The following DDAH1 variants were observed in gnomAD, a reference collection of about 807,000 sequenced individuals.
The protein encoded by DDAH1 is N(G),N(G)-dimethylarginine dimethylaminohydrolase 1.
Under a neutral mutation model 28.8 loss-of-function variants are expected in DDAH1, and 19 were observed. The observed-to-expected ratio is 0.66, with a 90% CI of 0.46 to 0.97. The LOEUF is 0.97. Among genes scored for constraint, DDAH1 ranks in the 50% least tolerant of loss-of-function variants. The probability of loss-of-function intolerance (pLI) is 0.00; values close to 1 mark genes in which losing one functional copy is unlikely to be tolerated. For missense variants in DDAH1, 326 were observed against 375.9 expected, an observed-to-expected ratio of 0.87 and a Z score of 1.10; for synonymous variants, 153 against 154.4, an observed-to-expected ratio of 0.99 and a Z score of 0.07.
chr1:85,498,339 T>C (rs1656672928), intron 1 of DDAH1, among the ~76,000 whole-genome samples: 1 of 152,260 alleles, frequency 6.6e-6, no homozygotes, highest in South Asian at 2.1e-4. Flanking sequence ...ATGGCTCTAA[T>C]ATCAACCTTT....
chr1:85,490,023 G>C (rs1246991926), intron 2 of DDAH1, among the ~76,000 whole-genome samples: 2 of 152,098 alleles, frequency 1.3e-5, no homozygotes, highest in Non-Finnish European at 1.5e-5. Flanking sequence ...GTTTCAAGAG[G>C]TAGGCTTGTG....
At chr1:85,456,295 T>C (rs1474086932) in intron 1 of DDAH1, among the ~76,000 whole-genome samples, 2 of 152,212 alleles carry the variant, frequency 1.3e-5, no homozygotes, top group Non-Finnish European at 2.9e-5. Context: ...GATGGAGAGA[T>C]TTGTGAATAA....
chr1:85,369,726 T>C (rs949057300), intron 1 of DDAH1, among the ~76,000 whole-genome samples: 1 of 152,156 alleles, frequency 6.6e-6, no homozygotes, highest in Admixed American at 6.6e-5. Flanking sequence ...TATGGAGAGA[T>C]AGGCAATAAA....
chr1:85,447,825 G>T (rs530006), intron 1 of DDAH1: 69,591 of 152,030 alleles, frequency 0.46, 16,364 homozygotes, highest in Middle Eastern at 0.59. Context: ...ACACTGGAAG[G>T]ATTTCTTCTC....
intron 1 of DDAH1, among the ~76,000 whole-genome samples, chr1:85,526,911 G>A (rs1160008632): frequency 6.6e-6 from 1 of 150,418 alleles, no homozygotes; most frequent in African/African-American, 2.5e-5. Flanking sequence ...GGCAGAATCG[G>A]AAATGTTAAT....
At chr1:85,521,406 G>C (rs1304550006) in intron 1 of DDAH1, among the ~76,000 whole-genome samples, 1 of 151,600 alleles carries the variant, frequency 6.6e-6, no homozygotes, top group Non-Finnish European at 1.5e-5. Flanking sequence ...CCCCAACACT[G>C]TGGCAGCTTC....
In DDAH1 at chr1:85,464,917, C is replaced by A. The variant is rs1357876263; in HGVS notation, c.129G>T (p.Ala43=). The stretch of plus-strand genomic sequence containing the variant: ...CCACGTAGAGCTGGTGCTGCCGTTC[C>A]GCGCGGGCGACGTCCACCTCCTCGC... ...AKGEEVDVAR[A]ERQHQLYVGV... is the part of the protein sequence containing the mutation. The change falls in exon 1 of 6, where the codon GCG becomes GCT. Residue 43 remains alanine, a synonymous_variant. Transcript: ENST00000284031. This position sits in a 1 kb window ranked among gnomAD's most constrained non-coding sequence, Gnocchi z 4.4. 1 of 1,556,800 alleles carries A rather than the reference C, an allele frequency of 6.4e-7. No individual in the cohort carries two copies. Among genetic ancestry groups the A allele is most frequent in the Admixed American group, 1.8e-5 (1 of 55,084 alleles).
intron 1 of DDAH1, among the ~76,000 whole-genome samples, chr1:85,564,391 C>T (rs1356294990): frequency 6.6e-6 from 1 of 152,090 alleles, no homozygotes; most frequent in Non-Finnish European, 1.5e-5. Flanking sequence ...TGACCTAATA[C>T]ATATGTAATT....
At chr1:85,457,574 TA>T (rs1654944174) in intron 1 of DDAH1, among the ~76,000 whole-genome samples, 1 of 152,218 alleles carries the variant, frequency 6.6e-6, no homozygotes. Context: ...GTAACACAAC[TA>T]TTATCCCTTT....
chr1:85,417,317 G>A lies in DDAH1; in HGVS notation c.303+47426C>T, dbSNP rs555114809. Among the ~76,000 whole-genome samples the A allele has an allele frequency of 2.3e-4, 35 of 150,234 alleles. 1 individual carries two copies. The highest frequency in any genetic ancestry group is 1.2e-3 in the East Asian group (6 of 5,084). ...ACTGTGCTGGGTGAGTGGGAACAGCGGGGAGGGAAGTCAGGCCTGGCTGTG... is the reference window on the plus strand; with the variant it reads ...ACTGTGCTGGGTGAGTGGGAACAGCAGGGAGGGAAGTCAGGCCTGGCTGTG... On this transcript the variant is annotated intron_variant, in intron 1 of 5. Transcript: ENST00000284031.
chr1:85,370,710 G>A (rs1277584969), intron 1 of DDAH1, among the ~76,000 whole-genome samples: 1 of 152,132 alleles, frequency 6.6e-6, no homozygotes, highest in Non-Finnish European at 1.5e-5. Context: ...ATTGGATGTG[G>A]GGGTGAAGGA....
At chr1:85,469,409 T>G (rs76699657), upstream of DDAH1, among the ~76,000 whole-genome samples, 3,201 of 152,328 alleles carry the variant, frequency 0.021, 105 homozygotes, top group African/African-American at 0.064. Context: ...GACATGTTAC[T>G]TAAAAACTCT....
intron 1 of DDAH1, among the ~76,000 whole-genome samples, chr1:85,502,186 A>C (rs1430549725): frequency 2.6e-5 from 4 of 152,184 alleles, no homozygotes; most frequent in Non-Finnish European, 1.5e-5. Context: ...AACTCTTTGA[A>C]GACACGGACA....
chr1:85,545,020 T>G (rs1658579182), intron 1 of DDAH1, among the ~76,000 whole-genome samples: 2 of 152,140 alleles, frequency 1.3e-5, no homozygotes, highest in Non-Finnish European at 2.9e-5. Flanking sequence ...AGCTGCAAAA[T>G]CTAACATTAT....
chr1:85,358,088 C>CAA (rs1257855270), intron 2 of DDAH1, among the ~76,000 whole-genome samples: 1 of 152,072 alleles, frequency 6.6e-6, no homozygotes, highest in Non-Finnish European at 1.5e-5. Context: ...AAATACAAAC[C>CAA]AGATATACAG....
chr1:85,341,112 A>G (rs1350635623), intron 4 of DDAH1, among the ~76,000 whole-genome samples: 1 of 152,180 alleles, frequency 6.6e-6, no homozygotes, highest in Non-Finnish European at 1.5e-5. Context: ...GCACGGTGAC[A>G]GTTTTTATCT....
chr1:85,398,681 T>C (rs943517641), intron 1 of DDAH1: 4 of 152,196 alleles, frequency 2.6e-5, no homozygotes, highest in Admixed American at 6.5e-5. Context: ...CTGCATGCCG[T>C]GGACAGCTTT....
At chr1:85,529,489 C>G (rs1224776162) in intron 1 of DDAH1, among the ~76,000 whole-genome samples, 1 of 151,062 alleles carries the variant, frequency 6.6e-6, no homozygotes, top group African/African-American at 2.4e-5. Flanking sequence ...TGAGAATCTC[C>G]TTTTTGGACT....
At chr1:85,548,856 T>C (rs1658706352) in intron 1 of DDAH1, among the ~76,000 whole-genome samples, 1 of 152,206 alleles carries the variant, frequency 6.6e-6, no homozygotes, top group Non-Finnish European at 1.5e-5. Flanking sequence ...CTCTGAGAAG[T>C]CCTCCAGAGC....
Sources: allele counts gnomAD v4.1 joint callset (sites outside exome capture counted in the v4.1 genomes callset), GRCh38; gene constraint gnomAD v4.1.1; non-coding constraint Gnocchi (gnomAD v3.1); transcripts MANE v1.5; gene names NCBI Gene and HGNC (gene_info 2026-07-23, HGNC 2026-07-21).